The following PDZRN4 variants were observed in gnomAD, a reference collection of about 807,000 sequenced individuals.
PDZRN4 encodes the protein PDZ domain-containing RING finger protein 4.
In PDZRN4, 70 loss-of-function variants were observed where a neutral mutation model predicts 99.0. The ratio of observed to expected loss-of-function variants is 0.71; its 90% CI spans 0.58 to 0.86. The LOEUF is 0.86. PDZRN4 is among the 40% of genes least tolerant of loss of function. PDZRN4 has a pLI of 0.00. For missense variants in PDZRN4, 1,474 were observed against 1,331.2 expected (o/e 1.11, Z -1.67); for synonymous variants, 551 against 501.6 (o/e 1.10, Z -1.32).
intron 3 of PDZRN4, chr12:41,437,676 T>C: frequency 8.6e-7 from 1 of 1,168,620 alleles, no homozygotes; most frequent in Non-Finnish European, 1.1e-6. Flanking sequence ...TGTGCACTGA[T>C]GCAGAGACGG....
chr12:41,514,149 T>C (rs538591873), intron 5 of PDZRN4, among the ~76,000 whole-genome samples: 2 of 152,208 alleles, frequency 1.3e-5, no homozygotes, highest in East Asian at 1.9e-4. Context: ...GATAAATATA[T>C]GTCAGAGTTC....
At chr12:41,273,712 A>C (rs1951331400) in intron 3 of PDZRN4, among the ~76,000 whole-genome samples, 1 of 152,110 alleles carries the variant, frequency 6.6e-6, no homozygotes. Flanking sequence ...AAATGACTGA[A>C]CATAAAATCT....
chr12:41,537,168 C>T (rs1938763065), intron 5 of PDZRN4, among the ~76,000 whole-genome samples: 2 of 152,014 alleles, frequency 1.3e-5, no homozygotes, highest in African/African-American at 4.8e-5. Flanking sequence ...ACTATAAGCT[C>T]AAGTATGATA....
At chr12:41,425,345 G>A (rs1234704371) in intron 3 of PDZRN4, among the ~76,000 whole-genome samples, 1 of 151,306 alleles carries the variant, frequency 6.6e-6, no homozygotes, top group African/African-American at 2.4e-5. Context: ...GAAGGTGGAA[G>A]TATAGCCAAG....
chr12:41,438,936 C>T (rs1485726075), intron 3 of PDZRN4, among the ~76,000 whole-genome samples: 2 of 152,278 alleles, frequency 1.3e-5, no homozygotes, highest in South Asian at 2.1e-4. Context: ...TGATGAAGGA[C>T]GATGCTTGGG....
At chr12:41,451,373 C>A (rs1018890387) in intron 3 of PDZRN4, among the ~76,000 whole-genome samples, 2 of 152,128 alleles carry the variant, frequency 1.3e-5, no homozygotes, top group Non-Finnish European at 2.9e-5. Context: ...TAAATAGAGT[C>A]TGTGACTGCA....
chr12:41,436,571 G>A (rs996356), intron 3 of PDZRN4, among the ~76,000 whole-genome samples: 79,142 of 151,980 alleles, frequency 0.52, 21,321 homozygotes, highest in African/African-American at 0.68. Context: ...TATCCTGTCC[G>A]GTTTAAAGAT....
intron 5 of PDZRN4, among the ~76,000 whole-genome samples, chr12:41,516,077 A>G (rs1243530204): frequency 6.6e-6 from 1 of 151,928 alleles, no homozygotes; most frequent in Non-Finnish European, 1.5e-5. Flanking sequence ...AATCTCTGCT[A>G]TCATTCAAAG....
chr12:41,363,577 G>T (rs935217590), intron 3 of PDZRN4, among the ~76,000 whole-genome samples: 1 of 152,086 alleles, frequency 6.6e-6, no homozygotes, highest in African/African-American at 2.4e-5. Flanking sequence ...TGTTCAGGTT[G>T]CATTTGCTCA....
chr12:41,527,337 C>G (rs1938585986), intron 5 of PDZRN4, among the ~76,000 whole-genome samples: 2 of 152,158 alleles, frequency 1.3e-5, no homozygotes, highest in African/African-American at 2.4e-5. Flanking sequence ...AAAGCCTTTT[C>G]ATAATGAGAA....
chr12:41,316,712 A>G (rs1951640742), intron 3 of PDZRN4, among the ~76,000 whole-genome samples: 1 of 151,904 alleles, frequency 6.6e-6, no homozygotes, highest in Non-Finnish European at 1.5e-5. Context: ...AATTTAATCC[A>G]ATTACCTCCT....
chr12:41,286,303 T>C (rs1257142710), intron 3 of PDZRN4, among the ~76,000 whole-genome samples: 1 of 150,606 alleles, frequency 6.6e-6, no homozygotes, highest in Non-Finnish European at 1.5e-5. Flanking sequence ...CAGAAAGTCC[T>C]ATTTTCCTTT....
At chr12:41,233,261 T>G (rs1951041095) in intron 3 of PDZRN4, among the ~76,000 whole-genome samples, 1 of 152,142 alleles carries the variant, frequency 6.6e-6, no homozygotes, top group Admixed American at 6.5e-5. Flanking sequence ...CCAGTTAGAA[T>G]GGCGATCATT....
chr12:41,443,846 G>A (rs528338180), intron 3 of PDZRN4, among the ~76,000 whole-genome samples: 1 of 152,254 alleles, frequency 6.6e-6, no homozygotes, highest in South Asian at 2.1e-4. Context: ...TCTAAGCAAT[G>A]TCCAGGGACG....
chr12:41,460,547 A>T (rs1354070003), intron 3 of PDZRN4, among the ~76,000 whole-genome samples: 1 of 152,240 alleles, frequency 6.6e-6, no homozygotes, highest in Admixed American at 6.5e-5. Flanking sequence ...TGAAGGCAGG[A>T]GTATGGAGAA....
At chr12:41,496,755 A>C (rs1161386590) in intron 3 of PDZRN4, among the ~76,000 whole-genome samples, 4 of 152,164 alleles carry the variant, frequency 2.6e-5, no homozygotes, top group Non-Finnish European at 5.9e-5. Context: ...ATTTGTTTAA[A>C]CATGGTTCTT....
intron 3 of PDZRN4, among the ~76,000 whole-genome samples, chr12:41,270,275 T>G (rs1566410355): frequency 3.2e-5 from 4 of 123,534 alleles, no homozygotes; most frequent in African/African-American, 1.2e-4. Context: ...TGTGTGTGTG[T>G]CTGTGTGTGT....
intron 7 of PDZRN4, 63 bp from the exon 8 acceptor site, chr12:41,563,484 GC>G: frequency 8.8e-7 from 1 of 1,133,018 alleles, no homozygotes; most frequent in South Asian, 1.3e-5. Context: ...GCTGATATTT[GC>G]CATTTATTGT....
At position 41,533,268 on chromosome 12, in the gene PDZRN4, G is replaced by A. The variant is rs555457449; in HGVS notation, c.1204-19388G>A. On this transcript the variant is annotated intron_variant, in intron 5 of 9. Coordinates refer to ENST00000402685, the MANE Select transcript of PDZRN4 (RefSeq NM_001164595.2). ...TGGCTCACTGCAACCTCCCCCTCCC[G>A]GATTCAAGCAATTCTCCCGCCTCAG... is the stretch of plus-strand genomic sequence containing the variant. Among the ~76,000 whole-genome samples the A allele has an allele frequency of 9.4e-4, 142 of 151,384 alleles. 1 individual carries two copies. Among genetic ancestry groups the A allele is most frequent in the African/African-American group, 3.2e-3 (132 of 41,198 alleles).
Sources: gnomAD v4.1 joint callset for allele counts (sites outside exome capture counted in the v4.1 genomes callset) on GRCh38, gnomAD v4.1.1 for gene constraint, MANE v1.5 for transcripts, NCBI Gene and HGNC (gene_info 2026-07-23, HGNC 2026-07-21) for gene names.